HINT1: variants seen among roughly 807,000 people sequenced by gnomAD.
HINT1 encodes the protein adenosine 5'-monophosphoramidase HINT1.
A neutral mutation model predicts 11.2 loss-of-function variants in HINT1; 12 were observed. The observed-to-expected ratio is 1.07, with a 90% confidence interval of 0.69 to 1.74. HINT1 has a LOEUF of 1.74. Ranked by LOEUF, HINT1 falls within the 40% of genes most tolerant of loss-of-function variation. The pLI, the probability that HINT1 is intolerant of heterozygous loss-of-function variation, is 0.00. For missense variants in HINT1, 150 were observed against 161.8 expected, an observed-to-expected ratio of 0.93 and a Z score of 0.40; for synonymous variants, 42 against 52.6, an observed-to-expected ratio of 0.80 and a Z score of 0.87.
In HINT1 at chr5:131,160,686, A is replaced by C. The variant is rs998332625; in HGVS notation, c.217-1075T>G. 1.8e-5 allele frequency: 22 copies of C among 1,234,084 alleles called. No individual in the cohort carries two copies. In the South Asian group the frequency reaches 2.9e-4, roughly 16 times the overall value. 76.4% of individuals were successfully genotyped at this position (1,234,084 alleles called of 1,614,324 possible). A position where few individuals can be genotyped will look rare whatever the true frequency, so the allele number is the denominator to read the frequency against. ...TCATGCAGTAAGGTCCATTGTACAG[A>C]TGGACAATGGACAAAAATTGTAAGT... On this transcript the variant is annotated intron_variant, in intron 2 of 2. Coordinates refer to ENST00000304043, the MANE Select transcript of HINT1 (RefSeq NM_005340.7).
chr5:131,162,542 G>C, intron 2 of HINT1, 30 bp downstream of exon 2: 1 of 1,606,136 alleles, frequency 6.2e-7, no homozygotes, highest in Non-Finnish European at 8.5e-7. Flanking sequence ...TAAAAAGCAA[G>C]AAAATAAATC....
intron 1 of HINT1, among the ~76,000 whole-genome samples, chr5:131,163,025 C>T (rs895654834): frequency 2.0e-5 from 3 of 151,806 alleles, no homozygotes; most frequent in Non-Finnish European, 2.9e-5. Context: ...TTTGTAGAGA[C>T]GGGGTTTCAC....
chr5:131,161,486 G>C (rs1292279105), intron 2 of HINT1, among the ~76,000 whole-genome samples: 2 of 151,592 alleles, frequency 1.3e-5, no homozygotes. Context: ...TGTAATCCCA[G>C]CTACTCAGGA....
At chr5:131,159,633 C>A in intron 2 of HINT1, 22 bp from the exon 3 acceptor site, 2 of 1,601,958 alleles carry the variant, frequency 1.2e-6, no homozygotes, top group Non-Finnish European at 1.7e-6. Context: ...AAAAAAGTTT[C>A]TTAGGCACAG....
chr5:131,165,211 C>T lies in HINT1; in HGVS notation c.-6G>A, dbSNP rs376364154. On this transcript the variant is annotated 5_prime_UTR_variant, in exon 1 of 3. Transcript: ENST00000304043. ...TTGGCAATCTCATCTGCCATCTCGGCCTCTCTCCCGCGCGGCGGCCAGAGG... is the reference window on the plus strand; with the variant it reads ...TTGGCAATCTCATCTGCCATCTCGGTCTCTCTCCCGCGCGGCGGCCAGAGG... 1.2e-6 allele frequency: 2 copies of T among 1,604,382 alleles called. No individual in the cohort carries two copies. Among genetic ancestry groups the T allele is most frequent in the Non-Finnish European group, 1.7e-6 (2 of 1,179,732 alleles).
chr5:131,161,412 T>C (rs543616710), intron 2 of HINT1, among the ~76,000 whole-genome samples: 1 of 152,000 alleles, frequency 6.6e-6, no homozygotes, highest in Non-Finnish European at 1.5e-5. Context: ...GAGACTAACC[T>C]GACCAACATG....
At chr5:131,159,762 A>T (rs1321885067) in intron 2 of HINT1, 151 bp from the exon 3 acceptor site, 1 of 650,952 alleles carries the variant, frequency 1.5e-6, no homozygotes, top group African/African-American at 1.8e-5. Context: ...ATCCCAACAG[A>T]GCATAATCTA....
intron 2 of HINT1, among the ~76,000 whole-genome samples, chr5:131,161,854 C>T (rs879177778): frequency 1.3e-5 from 2 of 152,166 alleles, no homozygotes; most frequent in African/African-American, 4.8e-5. Context: ...TGCAAATTTT[C>T]TTCTGCCTCT....
chr5:131,159,422 A>C lies in HINT1; in HGVS notation c.*25T>G. The C allele has an allele frequency of 6.2e-7, 1 of 1,605,980 alleles. No individual in the cohort carries two copies. ...GCCTAACTTAATCATTGCCTAAAGA[A>C]GAGAAAATTATCCCCAAAACGTGCT... On this transcript the variant is annotated 3_prime_UTR_variant, in exon 3 of 3. Transcript: ENST00000304043.
At chr5:131,165,050 C>T (rs1755361717) in intron 1 of HINT1, 45 bp downstream of exon 1, 2 of 1,611,734 alleles carry the variant, frequency 1.2e-6, no homozygotes, top group South Asian at 1.1e-5. Flanking sequence ...GATCCGCGGA[C>T]GATACCCACC....
In HINT1 at chr5:131,165,227, C is replaced by G. The variant is rs1244205808; in HGVS notation, c.-22G>C. 1.3e-6 allele frequency: 2 copies of G among 1,599,892 alleles called. No individual in the cohort carries two copies. The highest frequency in any genetic ancestry group is 1.7e-6 in the Non-Finnish European group (2 of 1,178,462). On this transcript the variant is annotated 5_prime_UTR_variant, in exon 1 of 3. Coordinates refer to ENST00000304043, the MANE Select transcript of HINT1 (RefSeq NM_005340.7). The stretch of plus-strand genomic sequence containing the variant: ...CCATCTCGGCCTCTCTCCCGCGCGG[C>G]GGCCAGAGGAGAGGCTCGGAAGAAG...
intron 2 of HINT1, 59 bp from the exon 3 acceptor site, chr5:131,159,670 TAACA>T: frequency 6.8e-7 from 1 of 1,471,470 alleles, no homozygotes; most frequent in Admixed American, 1.9e-5. Context: ...TGCCATTAAA[TAACA>T]AACTGTCAAG....
At position 131,159,622 on chromosome 5, in the gene HINT1, A is replaced by G; in HGVS notation, c.217-11T>C. Reference sequence around the variant, plus strand: ...TAAGTGTCCAAGAAGCTGGAAAAGGAAAAAAAGTTTCTTAGGCACAGGCAA... The same window carrying G: ...TAAGTGTCCAAGAAGCTGGAAAAGGGAAAAAAGTTTCTTAGGCACAGGCAA... On this transcript the variant is annotated splice_polypyrimidine_tract_variant and intron_variant, in intron 2 of 2. Transcript: ENST00000304043. The G allele has an allele frequency of 6.2e-7, 1 of 1,600,582 alleles. No homozygotes were observed. Among genetic ancestry groups the G allele is most frequent in the South Asian group, 1.1e-5 (1 of 89,712 alleles).
At position 131,159,589 on chromosome 5, in the gene HINT1, A is replaced by G. The variant is rs1324282192; in HGVS notation, c.239T>C (p.Val80Ala). ...CAGATCAGCAGCACATTTCTTGCCA[A>G]CAATCATTAAGTGTCCAAGAAGCTG... ...DESLLGHLMI[V>A]GKKCAADLGL... Residue 80 changes from valine to alanine, a missense_variant, in exon 3 of 3, where the codon GTT becomes GCT. Transcript: ENST00000304043. 2 of 1,613,608 alleles carry G rather than the reference A, an allele frequency of 1.2e-6. No individual in the cohort carries two copies. The highest frequency in any genetic ancestry group is 2.2e-5 in the South Asian group (2 of 91,034).
At chr5:131,163,463 G>A (rs1388573836) in intron 1 of HINT1, among the ~76,000 whole-genome samples, 1 of 151,672 alleles carries the variant, frequency 6.6e-6, no homozygotes, top group East Asian at 1.9e-4. Context: ...TAGTCATTCC[G>A]CCATTCCATT....
rs922793416 is a variant in HINT1 at position 131,159,271 on chromosome 5, G to A, written c.*176C>T. Reference sequence around the variant, plus strand: ...ATGTTTTTAAAATAACAAATCAAACGCAACACTCAGAGAGACTATAAGCCA... The same window carrying A: ...ATGTTTTTAAAATAACAAATCAAACACAACACTCAGAGAGACTATAAGCCA... On this transcript the variant is annotated 3_prime_UTR_variant, in exon 3 of 3. Transcript: ENST00000304043. 9 of 470,542 alleles carry A rather than the reference G, an allele frequency of 1.9e-5. No homozygotes were observed. The highest frequency in any genetic ancestry group is 1.1e-4 in the South Asian group (2 of 18,656). The allele number at this position is 470,542 out of a possible 1,614,324, so 29.1% of individuals were successfully genotyped here.
chr5:131,160,201 T>C (rs1265069809), intron 2 of HINT1, among the ~76,000 whole-genome samples: 2 of 152,178 alleles, frequency 1.3e-5, no homozygotes, highest in Non-Finnish European at 2.9e-5. Context: ...GTTTTCTTAA[T>C]AAAGCAAGAC....
intron 2 of HINT1, chr5:131,160,803 G>A (rs1267370330): frequency 8.3e-6 from 4 of 484,518 alleles, no homozygotes; most frequent in Admixed American, 7.1e-5. Context: ...TTCCAGACTG[G>A]TGATATGCAG....
At chr5:131,163,322 A>T (rs1755305202) in intron 1 of HINT1, among the ~76,000 whole-genome samples, 1 of 152,234 alleles carries the variant, frequency 6.6e-6, no homozygotes, top group Non-Finnish European at 1.5e-5. Context: ...TGGCCATGCT[A>T]ATCCTTGCCT....
Sources: allele counts gnomAD v4.1 joint callset (sites outside exome capture counted in the v4.1 genomes callset), GRCh38; gene constraint gnomAD v4.1.1; transcripts MANE v1.5; gene names NCBI Gene and HGNC (gene_info 2026-07-23, HGNC 2026-07-21).